The following SPATA31H1 variants were observed in gnomAD, a reference collection of about 807,000 sequenced individuals.
SPATA31H1 encodes the protein SPATA31 subfamily H member 1.
chr2:27,565,976 G>A, the SPATA31H1 span: 1 of 713,370 alleles, frequency 1.4e-6, no homozygotes, highest in Non-Finnish European at 2.6e-6. Context: ...CAAAAAGAGG[G>A]GGTTGGACAA....
chr2:27,546,923 G>A, the SPATA31H1 span, among the ~76,000 whole-genome samples: 1 of 151,924 alleles, frequency 6.6e-6, no homozygotes, highest in Non-Finnish European at 1.5e-5. Flanking sequence ...ACACTTTCAC[G>A]ACTCTTTCTC....
chr2:27,561,649 T>C, the SPATA31H1 span, among the ~76,000 whole-genome samples: 1 of 152,224 alleles, frequency 6.6e-6, no homozygotes, highest in African/African-American at 2.4e-5. Context: ...CCTCTATATG[T>C]GGTATTAGGA....
chr2:27,562,594 T>C, the SPATA31H1 span, among the ~76,000 whole-genome samples: 1 of 149,678 alleles, frequency 6.7e-6, no homozygotes, highest in South Asian at 2.1e-4. Context: ...TATATATATA[T>C]AATTTAATTT....
chr2:27,568,673 A>G, the SPATA31H1 span: 1 of 398,956 alleles, frequency 2.5e-6, no homozygotes, highest in African/African-American at 2.1e-5. Context: ...AAGATACAAA[A>G]TCTGCGGAGT....
At chr2:27,563,323 CAG>C in the SPATA31H1 span, among the ~76,000 whole-genome samples, 1 of 146,284 alleles carries the variant, frequency 6.8e-6, no homozygotes, top group Non-Finnish European at 1.5e-5. Flanking sequence ...ACTATTTTAT[CAG>C]AGTTTTCATA....
At chr2:27,561,733 G>A in the SPATA31H1 span, among the ~76,000 whole-genome samples, 3 of 151,736 alleles carry the variant, frequency 2.0e-5, no homozygotes, top group South Asian at 4.2e-4. Context: ...ACAGGGTTTC[G>A]CTCTTTCACT....
At chr2:27,538,291 G>T in the SPATA31H1 span, among the ~76,000 whole-genome samples, 6 of 151,242 alleles carry the variant, frequency 4.0e-5, no homozygotes, top group African/African-American at 1.5e-4. Flanking sequence ...ACATGCATAT[G>T]AATCACCTGG....
chr2:27,554,623 G>C, the SPATA31H1 span, among the ~76,000 whole-genome samples: 2 of 152,052 alleles, frequency 1.3e-5, no homozygotes, highest in Non-Finnish European at 2.9e-5. Flanking sequence ...GCCAAGTCTG[G>C]AGTGCAGTGG....
chr2:27,563,907 G>A, the SPATA31H1 span, among the ~76,000 whole-genome samples: 3 of 151,470 alleles, frequency 2.0e-5, no homozygotes, highest in African/African-American at 7.3e-5. Flanking sequence ...TGTAGAGACA[G>A]GGTCTCACTA....
chr2:27,578,412 G>T, the SPATA31H1 span: 2 of 1,614,116 alleles, frequency 1.2e-6, no homozygotes, highest in Non-Finnish European at 1.7e-6. Context: ...AATTCCTCAG[G>T]TTGTAGAACC....
chr2:27,555,839 C>T, the SPATA31H1 span, among the ~76,000 whole-genome samples: 5,327 of 151,612 alleles, frequency 0.035, 360 homozygotes, highest in African/African-American at 0.12. Context: ...CTGGTTAAGA[C>T]CCATTGTGTT....
At chr2:27,581,287 G>C in the SPATA31H1 span, 1 of 1,614,176 alleles carries the variant, frequency 6.2e-7, no homozygotes, top group South Asian at 1.1e-5. Flanking sequence ...CCCTCTGAGA[G>C]AAGCCAACGC....
the SPATA31H1 span, chr2:27,537,509 T>C: frequency 1.4e-6 from 1 of 717,380 alleles, no homozygotes; most frequent in Non-Finnish European, 2.6e-6. Flanking sequence ...ATTTGGCGGC[T>C]TTGGACACTG....
At chr2:27,577,275 A>G in the SPATA31H1 span, 1 of 1,614,058 alleles carries the variant, frequency 6.2e-7, no homozygotes, top group East Asian at 2.2e-5. The surrounding 1 kb of genome is among the most constrained non-coding windows in gnomAD (Gnocchi z 4.5). Context: ...CCTAGAAACT[A>G]TGGAATTGCT....
the SPATA31H1 span, among the ~76,000 whole-genome samples, chr2:27,547,299 G>C: frequency 6.6e-6 from 1 of 151,150 alleles, no homozygotes; most frequent in South Asian, 2.1e-4. Flanking sequence ...TCAGCCTCCC[G>C]AGTAGCTGGG....
chr2:27,576,953 TCAG>T, the SPATA31H1 span: 1 of 1,614,060 alleles, frequency 6.2e-7, no homozygotes. Flanking sequence ...GACCAGGGCA[TCAG>T]TTTGCAAAAT....
At chr2:27,580,713 CCAGA>C in the SPATA31H1 span, 3 of 1,614,204 alleles carry the variant, frequency 1.9e-6, no homozygotes, top group Admixed American at 1.7e-5. Context: ...CGGGACAAGG[CCAGA>C]CAATTTGTGG....
chr2:27,540,118 CGGGGCGGCCGGCCGGGCGGGGGGCTG>C, the SPATA31H1 span, among the ~76,000 whole-genome samples: 2 of 98,824 alleles, frequency 2.0e-5, no homozygotes, highest in Non-Finnish European at 2.1e-5. Flanking sequence ...ACCTCCCGGA[CGGGGCGGCCGGCCGGGCGGGGGGCTG>C]ACCCCCCCAC....
At chr2:27,566,815 A>G in the SPATA31H1 span, 1 of 717,896 alleles carries the variant, frequency 1.4e-6, no homozygotes, top group Non-Finnish European at 2.6e-6. Flanking sequence ...GTGGCTCAGA[A>G]GACTGTTCTA....
Sources: gnomAD v4.1 joint callset for allele counts (sites outside exome capture counted in the v4.1 genomes callset) on GRCh38, gnomAD v4.1.1 for gene constraint, Gnocchi (gnomAD v3.1) non-coding constraint, MANE v1.5 for transcripts, NCBI Gene and HGNC (gene_info 2026-07-23, HGNC 2026-07-21) for gene names.